PIAS2: variants seen among roughly 807,000 people sequenced by gnomAD.
PIAS2 encodes protein inhibitor of activated STAT 2, also known as E3 SUMO-protein ligase PIAS2.
A neutral mutation model predicts 69.7 loss-of-function variants in PIAS2; 19 were observed. The observed-to-expected ratio is 0.27, with a 90% confidence interval of 0.19 to 0.40. The LOEUF (loss-of-function observed/expected upper bound fraction) is 0.40, where lower values mean the gene tolerates loss of function less well. PIAS2 is among the 10% of genes least tolerant of loss of function. The pLI is 1.00. For missense variants in PIAS2, 624 were observed against 757.0 expected, an observed-to-expected ratio of 0.82 and a Z score of 2.06; for synonymous variants, 261 against 263.2, an observed-to-expected ratio of 0.99 and a Z score of 0.08.
chr18:46,911,376 G>A (rs922577267), intron 1 of PIAS2, among the ~76,000 whole-genome samples: 1 of 151,786 alleles, frequency 6.6e-6, no homozygotes, highest in Non-Finnish European at 1.5e-5. Flanking sequence ...CCACCACGTC[G>A]GGCTAATTTT....
chr18:46,856,012 T>TTTTTTTTTTTTTTTTTTTTTTTTTTTTTC (rs2047736506), intron 3 of PIAS2, among the ~76,000 whole-genome samples: 1 of 135,552 alleles, frequency 7.4e-6, no homozygotes, highest in African/African-American at 2.8e-5. Context: ...TTTTTTTTTT[T>TTTTTTTTTTTTTTTTTTTTTTTTTTTTTC]TTTTTTTTTT....
chr18:46,860,364 AATAG>A (rs2048470832), intron 3 of PIAS2, among the ~76,000 whole-genome samples: 1 of 152,250 alleles, frequency 6.6e-6, no homozygotes, highest in Non-Finnish European at 1.5e-5. Context: ...TGCTAGATCA[AATAG>A]ATCACTTTTT....
intron 1 of PIAS2, among the ~76,000 whole-genome samples, chr18:46,913,799 T>C (rs916876137): frequency 7.2e-5 from 11 of 152,172 alleles, no homozygotes; most frequent in African/African-American, 2.2e-4. Flanking sequence ...TCCCTGTGCT[T>C]AGCTCTTCTA....
rs72907137 is a variant in PIAS2, at chr18:46,828,153, A to G, written c.1337-23T>C. On this transcript the variant is annotated intron_variant, in intron 10 of 13. Transcript: ENST00000585916. ...AACCTGCATGTAAAGAAACAAAAGG[A>G]AAAAAAAATTAAAGGTATAACACAA... is the stretch of plus-strand genomic sequence containing the variant. 9,839 of 1,560,474 alleles carry G rather than the reference A, an allele frequency of 6.3e-3. 42 individuals are homozygous for G. The highest frequency in any genetic ancestry group is 7.8e-3 in the Non-Finnish European group (9,005 of 1,153,152).
rs1178397751 is a variant in PIAS2 at position 46,836,531 on chromosome 18, AAC to A, written c.1042-16_1042-15del. ...CATTTTTCCTAACTACAGGACAGGA[AAC>A]ACAAGGAAAACTATTTCAGAAAGGA... is the stretch of plus-strand genomic sequence containing the variant. On this transcript the variant is annotated splice_polypyrimidine_tract_variant and intron_variant, in intron 8 of 13. Coordinates refer to ENST00000585916, the MANE Select transcript of PIAS2 (RefSeq NM_004671.5). 8.1e-6 allele frequency: 13 copies of A among 1,596,984 alleles called. No homozygotes were observed. Among genetic ancestry groups the A allele is most frequent in the African/African-American group, 2.7e-5 (2 of 74,636 alleles).
In PIAS2 at chr18:46,897,270, G is replaced by A. The variant is rs2055039265; in HGVS notation, c.25-6216C>T. Reference sequence around the variant, plus strand: ...CCCATAAAAGGAACCCAGACTCCTTGGGGAAATAAATGGCTGACTGCAGGT... The same window carrying A: ...CCCATAAAAGGAACCCAGACTCCTTAGGGAAATAAATGGCTGACTGCAGGT... On this transcript the variant is annotated intron_variant, in intron 1 of 13. Transcript: ENST00000585916. Among the ~76,000 whole-genome samples the A allele has an allele frequency of 2.0e-5, 3 of 152,152 alleles. No homozygotes were observed. In the South Asian group the frequency reaches 6.2e-4, roughly 32 times the overall value.
chr18:46,890,082 CA>C (rs1204910950), intron 2 of PIAS2, among the ~76,000 whole-genome samples: 13 of 152,150 alleles, frequency 8.5e-5, no homozygotes, highest in African/African-American at 3.1e-4. Context: ...TGAAATAAGC[CA>C]GTCACAAGAC....
At chr18:46,830,333 T>C (rs1365812154) in intron 9 of PIAS2, among the ~76,000 whole-genome samples, 1 of 152,048 alleles carries the variant, frequency 6.6e-6, no homozygotes, top group Non-Finnish European at 1.5e-5. Flanking sequence ...ATAAGTGTAT[T>C]TGAATTAAGT....
At chr18:46,900,898 C>A in intron 1 of PIAS2, 1 of 252,026 alleles carries the variant, frequency 4.0e-6, no homozygotes. Context: ...CACCTGAACC[C>A]TAGAGGCGGA....
Position 46,890,822 on chromosome 18 carries a change from T to G in PIAS2, c.257A>C (p.Asp86Ala). 6.2e-7 allele frequency: 1 copy of G among 1,614,168 alleles called. No homozygotes were observed. Among genetic ancestry groups the G allele is most frequent in the Non-Finnish European group, 8.5e-7 (1 of 1,180,028 alleles). The part of the protein sequence containing the change: ...STIKSSVFSL[D>A]GGSSPVEPDL... ...AGGTTCTACAGGTGATGAGCCACCA[T>G]CCAAACTGAAAACCGATGATTTGAT... is the stretch of plus-strand genomic sequence containing the variant. Residue 86 changes from aspartate (D) to alanine (A), a missense_variant, in exon 2 of 14, where the codon GAT becomes GCT. By Grantham distance (126) the Asp-to-Ala change is moderately radical. This residue lies in a region of PIAS2 where 339 missense variants were observed against 408.8 expected (regional missense o/e 0.83). Transcript: ENST00000585916.
At chr18:46,851,388 C>A (rs1486050044) in intron 5 of PIAS2, among the ~76,000 whole-genome samples, 11 of 152,208 alleles carry the variant, frequency 7.2e-5, no homozygotes, top group Non-Finnish European at 1.5e-4. Flanking sequence ...ATATTTCTCA[C>A]AAATTGTTTA....
intron 2 of PIAS2, among the ~76,000 whole-genome samples, chr18:46,876,615 A>G (rs2051234702): frequency 1.3e-5 from 2 of 152,182 alleles, no homozygotes; most frequent in South Asian, 4.1e-4. Context: ...CGATGGAACC[A>G]TAACAACAAA....
chr18:46,817,222 A>G, intron 12 of PIAS2: 2 of 976,196 alleles, frequency 2.0e-6, no homozygotes, highest in Non-Finnish European at 1.2e-6. Flanking sequence ...AGTTCATGTT[A>G]GTAACTGAAA....
chr18:46,816,470 G>A (rs904296136), intron 12 of PIAS2: 1 of 981,746 alleles, frequency 1.0e-6, no homozygotes, highest in Non-Finnish European at 1.2e-6. Flanking sequence ...TGTTGCTACA[G>A]ATTTTTTTTT....
At chr18:46,856,133 G>A (rs1479582126) in intron 3 of PIAS2, among the ~76,000 whole-genome samples, 2 of 149,850 alleles carry the variant, frequency 1.3e-5, no homozygotes, top group Middle Eastern at 3.4e-3. Context: ...AGCCTCCCGA[G>A]TAGCTGGGAC....
chr18:46,887,797 T>G (rs2053449388), intron 2 of PIAS2, among the ~76,000 whole-genome samples: 1 of 152,196 alleles, frequency 6.6e-6, no homozygotes, highest in African/African-American at 2.4e-5. Context: ...AAGATTTGTA[T>G]CTATTCCCAT....
intron 12 of PIAS2, among the ~76,000 whole-genome samples, chr18:46,819,958 T>C (rs1324242580): frequency 6.6e-6 from 1 of 152,176 alleles, no homozygotes; most frequent in Non-Finnish European, 1.5e-5. Context: ...TTGCGTTCTG[T>C]GATTGCAGTT....
At chr18:46,829,943 T>G in intron 9 of PIAS2, 76 bp from the exon 10 acceptor site, 2 of 1,306,326 alleles carry the variant, frequency 1.5e-6, no homozygotes, top group Non-Finnish European at 2.1e-6. Flanking sequence ...TAATACACAT[T>G]ACCTTGAAAA....
chr18:46,820,894 T>G, intron 12 of PIAS2, 39 bp downstream of exon 12: 1 of 1,570,866 alleles, frequency 6.4e-7, no homozygotes, highest in Non-Finnish European at 8.6e-7. Flanking sequence ...AAAATAAACT[T>G]TCATTAAAAA....
Sources: gnomAD v4.1 joint callset for allele counts (sites outside exome capture counted in the v4.1 genomes callset) on GRCh38, gnomAD v4.1.1 for gene constraint, gnomAD v4.1.1 regional missense constraint, MANE v1.5 for transcripts, NCBI Gene and HGNC (gene_info 2026-07-23, HGNC 2026-07-21) for gene names.